ABHD17C: variants seen among roughly 807,000 people sequenced by gnomAD.
ABHD17C encodes the protein alpha/beta hydrolase domain-containing protein 17C.
A neutral mutation model predicts 27.9 loss-of-function variants in ABHD17C; 11 were observed. The observed-to-expected ratio is 0.39, with a 90% CI of 0.25 to 0.65. The LOEUF (loss-of-function observed/expected upper bound fraction) is 0.65, where lower values mean the gene tolerates loss of function less well. ABHD17C is among the 30% of genes least tolerant of loss of function. The probability of loss-of-function intolerance (pLI) is 0.45; values close to 1 mark genes in which losing one functional copy is unlikely to be tolerated. For synonymous variants in ABHD17C, 233 were observed against 209.1 expected, an observed-to-expected ratio of 1.11 and a Z score of -0.98; for missense variants, 280 against 470.2, an observed-to-expected ratio of 0.60 and a Z score of 3.74.
chr15:80,695,629 C>T lies in ABHD17C; in HGVS notation c.200C>T (p.Ala67Val). 3 of 1,203,814 alleles carry T rather than the reference C, an allele frequency of 2.5e-6. No individual in the cohort carries two copies. The highest frequency in any genetic ancestry group is 3.1e-6 in the Non-Finnish European group (3 of 972,566). The allele number at this position is 1,203,814 out of a possible 1,614,324, so 74.6% of individuals were successfully genotyped here. Residue 67 changes from alanine (A) to valine (V), a missense_variant, in exon 1 of 3, where the codon GCC (alanine) becomes GTC (valine). This residue lies in a region of ABHD17C where 206 missense variants were observed against 394.7 expected (regional missense o/e 0.52). Coordinates refer to ENST00000258884, the MANE Select transcript of ABHD17C (RefSeq NM_021214.2). The surrounding 1 kb of genome is among the most constrained non-coding windows in gnomAD (Gnocchi z 4.3). ...CCGGCCCAGGCTACCGCCGCCGCCG[C>T]CGCGGCCCAGCCGGCACCGCAGCAG... ...PAPAQATAAA[A>V]AAQPAPQQPE...
At chr15:80,706,369 A>C (rs1214174085) in intron 1 of ABHD17C, among the ~76,000 whole-genome samples, 1 of 152,232 alleles carries the variant, frequency 6.6e-6, no homozygotes, top group Non-Finnish European at 1.5e-5. Flanking sequence ...TAACGGTTGT[A>C]CGTCAATTAC....
chr15:80,747,479 G>A (rs1895305690), intron 1 of ABHD17C, among the ~76,000 whole-genome samples: 1 of 152,170 alleles, frequency 6.6e-6, no homozygotes, highest in Admixed American at 6.5e-5. Context: ...CATGAGAACA[G>A]TGTTCCTTTC....
intron 1 of ABHD17C, among the ~76,000 whole-genome samples, chr15:80,718,195 C>CA (rs1170075092): frequency 1.3e-5 from 2 of 151,922 alleles, no homozygotes; most frequent in African/African-American, 4.8e-5. Context: ...GATCCTCCCT[C>CA]AAAAAATTTC....
intron 1 of ABHD17C, among the ~76,000 whole-genome samples, chr15:80,705,929 TTGC>T (rs1894641755): frequency 2.0e-5 from 3 of 152,192 alleles, no homozygotes; most frequent in African/African-American, 7.2e-5. Flanking sequence ...TGCAGTTACT[TTGC>T]AAACCATTCC....
intron 1 of ABHD17C, among the ~76,000 whole-genome samples, chr15:80,696,435 C>T (rs1018164802): frequency 4.6e-5 from 7 of 152,242 alleles, no homozygotes; most frequent in Admixed American, 1.3e-4. Flanking sequence ...TTTCTAGACT[C>T]AGTTTCCTTC....
Position 80,724,822 on chromosome 15 carries a change from G to A in ABHD17C, c.591-24691G>A, listed in dbSNP as rs1381183658. ...TCATTCTGTTCCTAGTTTTATCAGG[G>A]ATGGAGTTTTCTGCTCCTGGCCCTT... On this transcript the variant is annotated intron_variant, in intron 1 of 2. Coordinates refer to ENST00000258884, the MANE Select transcript of ABHD17C (RefSeq NM_021214.2). Among the ~76,000 whole-genome samples, 4 of 152,260 alleles carry A rather than the reference G, an allele frequency of 2.6e-5. No homozygotes were observed. The East Asian group carries it at 5.8e-4, about 22-fold the overall frequency.
chr15:80,714,975 A>T (rs1894783273), intron 1 of ABHD17C, among the ~76,000 whole-genome samples: 1 of 152,214 alleles, frequency 6.6e-6, no homozygotes, highest in Non-Finnish European at 1.5e-5. Context: ...AGTATAAAAA[A>T]ATACACAGCG....
chr15:80,719,393 G>A (rs1894857640), intron 1 of ABHD17C, among the ~76,000 whole-genome samples: 1 of 152,044 alleles, frequency 6.6e-6, no homozygotes, highest in African/African-American at 2.4e-5. Context: ...TTCTTCTTCT[G>A]TCCCCTTGCA....
At chr15:80,754,108 CTAATGGAG>C (rs1895401243) in intron 2 of ABHD17C, 35 bp from the exon 3 acceptor site, 2 of 1,452,742 alleles carry the variant, frequency 1.4e-6, no homozygotes, top group East Asian at 4.5e-5. Flanking sequence ...GTGAGCATAA[CTAATGGAG>C]TCCTCTTTCT....
chr15:80,738,175 T>G (rs751282163), intron 1 of ABHD17C, among the ~76,000 whole-genome samples: 5 of 152,116 alleles, frequency 3.3e-5, no homozygotes, highest in Non-Finnish European at 7.4e-5. Context: ...TGGAAGCTGG[T>G]AGGCCATCAG....
intron 1 of ABHD17C, among the ~76,000 whole-genome samples, chr15:80,743,897 A>G (rs745699341): frequency 2.6e-5 from 4 of 152,204 alleles, no homozygotes; most frequent in African/African-American, 4.8e-5. Flanking sequence ...TGTGTCGCCT[A>G]TATTGTTTCT....
chr15:80,695,656 C>G lies in ABHD17C; in HGVS notation c.227C>G (p.Pro76Arg), dbSNP rs1216252769. The G allele has an allele frequency of 6.4e-6, 9 of 1,413,152 alleles. No individual in the cohort carries two copies. Among genetic ancestry groups the G allele is most frequent in the Non-Finnish European group, 7.3e-6 (8 of 1,093,566 alleles). The allele number at this position is 1,413,152 out of a possible 1,614,324, so 87.5% of individuals were successfully genotyped here. The change falls in exon 1 of 3, where the codon CCC becomes CGC. Residue 76 changes from proline (P) to arginine (R), a missense_variant. Pro to Arg is a moderately radical substitution (Grantham distance 103). This residue lies in a region of ABHD17C where 206 missense variants were observed against 394.7 expected (regional missense o/e 0.52). Transcript: ENST00000258884. The surrounding 1 kb of genome is among the most constrained non-coding windows in gnomAD (Gnocchi z 4.3). Reference sequence around the variant, plus strand: ...GCGGCCCAGCCGGCACCGCAGCAGCCCGAGGAGGGCGCGGGCGCGGGGCCC... The same window carrying G: ...GCGGCCCAGCCGGCACCGCAGCAGCGCGAGGAGGGCGCGGGCGCGGGGCCC... ...AAAAQPAPQQ[P>R]EEGAGAGPGA...
chr15:80,701,223 C>T (rs1357982655), intron 1 of ABHD17C, among the ~76,000 whole-genome samples: 1 of 152,100 alleles, frequency 6.6e-6, no homozygotes, highest in Non-Finnish European at 1.5e-5. Context: ...AGCCAGCAGT[C>T]TCAGGGTGGA....
chr15:80,747,881 C>T (rs1436866784), intron 1 of ABHD17C, among the ~76,000 whole-genome samples: 1 of 152,156 alleles, frequency 6.6e-6, no homozygotes, highest in African/African-American at 2.4e-5. Flanking sequence ...GCTGTCATCT[C>T]CTGCCTGCCA....
chr15:80,742,546 C>G (rs1895224947), intron 1 of ABHD17C, among the ~76,000 whole-genome samples: 1 of 152,198 alleles, frequency 6.6e-6, no homozygotes, highest in African/African-American at 2.4e-5. Flanking sequence ...TGATTTAATA[C>G]TAGTCTCTTC....
intron 1 of ABHD17C, among the ~76,000 whole-genome samples, chr15:80,747,817 T>C (rs1895310070): frequency 6.6e-6 from 1 of 152,150 alleles, no homozygotes; most frequent in African/African-American, 2.4e-5. Context: ...TTATTTCCTC[T>C]CTTCTGCATG....
intron 1 of ABHD17C, among the ~76,000 whole-genome samples, chr15:80,707,210 G>A (rs556088110): frequency 2.0e-5 from 3 of 152,150 alleles, no homozygotes; most frequent in Non-Finnish European, 4.4e-5. Flanking sequence ...ACTTCTTAGG[G>A]GAAAGGGAAA....
chr15:80,699,310 C>T (rs1418067461), intron 1 of ABHD17C, among the ~76,000 whole-genome samples: 5 of 152,034 alleles, frequency 3.3e-5, no homozygotes, highest in East Asian at 3.9e-4. Flanking sequence ...ACATAATGGG[C>T]GCCCCATAAA....
At chr15:80,712,308 G>A (rs72736104) in intron 1 of ABHD17C, among the ~76,000 whole-genome samples, 9,284 of 152,292 alleles carry the variant, frequency 0.061, 352 homozygotes, top group Middle Eastern at 0.11. Flanking sequence ...TTCAGGTTCA[G>A]GATGTGGGGC....
Sources: gnomAD v4.1 joint callset for allele counts (sites outside exome capture counted in the v4.1 genomes callset) on GRCh38, gnomAD v4.1.1 for gene constraint, gnomAD v4.1.1 regional missense constraint, Gnocchi (gnomAD v3.1) non-coding constraint, MANE v1.5 for transcripts, NCBI Gene and HGNC (gene_info 2026-07-23, HGNC 2026-07-21) for gene names.